Variants in MCPH1 observed in about 807,000 individuals in gnomAD.
The protein encoded by MCPH1 is microcephalin 1, also known as microcephalin.
A neutral mutation model predicts 84.5 loss-of-function variants in MCPH1; 104 were observed. That is an observed-to-expected ratio of 1.23 (90% CI 1.05 to 1.45). The LOEUF (loss-of-function observed/expected upper bound fraction) is 1.45, where lower values mean the gene tolerates loss of function less well. MCPH1 is among the 40% of genes most tolerant of loss of function. The pLI, the probability that MCPH1 is intolerant of heterozygous loss-of-function variation, is 0.00. For synonymous variants in MCPH1, 514 were observed against 366.8 expected (o/e 1.40, Z -4.58); for missense variants, 1,498 against 1,005.7 (o/e 1.49, Z -6.62).
intron 3 of MCPH1, among the ~76,000 whole-genome samples, chr8:6,417,953 A>G (rs965623180): frequency 1.3e-5 from 2 of 152,250 alleles, no homozygotes; most frequent in African/African-American, 4.8e-5. Flanking sequence ...TTTAGCAAGC[A>G]GTTAACTTGT....
chr8:6,579,849 A>T (rs976860321), intron 12 of MCPH1, among the ~76,000 whole-genome samples: 3 of 152,272 alleles, frequency 2.0e-5, no homozygotes, highest in African/African-American at 7.2e-5. Context: ...ATTGAATAAT[A>T]TTAAGGGGGC....
At chr8:6,616,898 G>A (rs1401640505) in intron 12 of MCPH1, 2 of 152,158 alleles carry the variant, frequency 1.3e-5, no homozygotes, top group Non-Finnish European at 2.9e-5. Context: ...TTCTGTAGGG[G>A]AACATTTGTG....
chr8:6,583,834 T>G (rs1827764495), intron 12 of MCPH1, among the ~76,000 whole-genome samples: 1 of 150,710 alleles, frequency 6.6e-6, no homozygotes, highest in Non-Finnish European at 1.5e-5. Context: ...TTTCCTAGGT[T>G]ATTGGTGTTC....
intron 12 of MCPH1, among the ~76,000 whole-genome samples, chr8:6,560,915 C>T (rs1344575586): frequency 6.6e-6 from 1 of 152,216 alleles, no homozygotes; most frequent in African/African-American, 2.4e-5. Context: ...TTTATGTTTC[C>T]TGGCTGTTTC....
At chr8:6,500,983 C>G (rs1812064128) in intron 12 of MCPH1, 2 of 152,166 alleles carry the variant, frequency 1.3e-5, no homozygotes, top group South Asian at 4.1e-4. Flanking sequence ...ATCCTAGAAA[C>G]TTGTTGTTGT....
intron 3 of MCPH1, among the ~76,000 whole-genome samples, chr8:6,427,278 G>A (rs1210326061): frequency 6.6e-6 from 1 of 152,184 alleles, no homozygotes; most frequent in Non-Finnish European, 1.5e-5. Flanking sequence ...TGAAGGCCTA[G>A]GACATTACTA....
At chr8:6,552,757 T>G (rs1166403509) in intron 12 of MCPH1, among the ~76,000 whole-genome samples, 1 of 152,152 alleles carries the variant, frequency 6.6e-6, no homozygotes, top group Non-Finnish European at 1.5e-5. Context: ...ACAGTGATTG[T>G]TTCGGCCAGT....
rs558522741 is a variant in MCPH1 at position 6,539,009 on chromosome 8, C to G, written c.2214+39080C>G. ...AAGTGGCAAAACTGGGCTCTCCTCC[C>G]CCTCCTTTTAGAGTTGGGCTTGTGT... On this transcript the variant is annotated intron_variant, in intron 12 of 13. Coordinates refer to ENST00000344683, the MANE Select transcript of MCPH1 (RefSeq NM_024596.5). Among the ~76,000 whole-genome samples the G allele has an allele frequency of 1.7e-4, 25 of 146,258 alleles. No individual in the cohort carries two copies. The South Asian group carries it at 5.7e-3, about 34-fold the overall frequency.
chr8:6,607,344 C>G (rs190332731), intron 12 of MCPH1, among the ~76,000 whole-genome samples: 17 of 152,368 alleles, frequency 1.1e-4, no homozygotes, highest in African/African-American at 4.1e-4. Context: ...CCACTATCCA[C>G]TCTTCATCAA....
At chr8:6,609,824 C>CG (rs1029431172) in intron 12 of MCPH1, among the ~76,000 whole-genome samples, 5 of 127,772 alleles carry the variant, frequency 3.9e-5, no homozygotes, top group Admixed American at 7.2e-5. Flanking sequence ...CCCCCGCCCC[C>CG]CCCCCACACA....
intron 2 of MCPH1, 53 bp from the exon 3 acceptor site, chr8:6,414,712 T>G: frequency 5.6e-6 from 9 of 1,599,034 alleles, no homozygotes; most frequent in Non-Finnish European, 7.7e-6. Context: ...CAGTTGTAGT[T>G]AAGTTGTGAA....
intron 12 of MCPH1, among the ~76,000 whole-genome samples, chr8:6,579,971 G>C (rs935493529): frequency 1.3e-5 from 2 of 152,216 alleles, no homozygotes; most frequent in Non-Finnish European, 2.9e-5. Context: ...GCCCCTGCCA[G>C]AAACTAAATG....
intron 12 of MCPH1, among the ~76,000 whole-genome samples, chr8:6,619,570 C>T (rs769373398): frequency 8.6e-5 from 13 of 151,706 alleles, no homozygotes; most frequent in Non-Finnish European, 1.2e-4. Context: ...GGATTACAGG[C>T]GTGAGCCACT....
intron 12 of MCPH1, among the ~76,000 whole-genome samples, chr8:6,534,100 C>T (rs1489271217): frequency 6.6e-6 from 1 of 152,224 alleles, no homozygotes; most frequent in South Asian, 2.1e-4. Flanking sequence ...GTCGTTCTCC[C>T]GTGGATATTG....
intron 12 of MCPH1, chr8:6,507,844 A>C (rs1322252159): frequency 6.6e-6 from 1 of 151,998 alleles, no homozygotes; most frequent in Non-Finnish European, 1.5e-5. Context: ...TGGCCTCCCA[A>C]AGTGCTGGCA....
At position 6,466,303 on chromosome 8, in the gene MCPH1, A is replaced by ATT. The variant is rs749976037; in HGVS notation, c.1935+11064_1935+11065dup. Reference sequence around the variant, plus strand: ...AGGCACGTTCCATCACGCCTGGCTAATTTTTTTTTTTTTTGAGATGGAGTC... The same window carrying ATT: ...AGGCACGTTCCATCACGCCTGGCTAATTTTTTTTTTTTTTTTGAGATGGAGTC... On this transcript the variant is annotated intron_variant, in intron 9 of 13. Coordinates refer to ENST00000344683, the MANE Select transcript of MCPH1 (RefSeq NM_024596.5). Among the ~76,000 whole-genome samples, 318 of 138,498 alleles carry ATT rather than the reference A, an allele frequency of 2.3e-3. 4 individuals carry two copies. The highest frequency in any genetic ancestry group is 8.2e-3 in the African/African-American group (306 of 37,516). The allele number at this position is 138,498 out of a possible 152,430, so 90.9% of individuals were successfully genotyped here. A position where few individuals can be genotyped will look rare whatever the true frequency, so the allele number is the denominator to read the frequency against.
intron 12 of MCPH1, among the ~76,000 whole-genome samples, chr8:6,579,574 T>G (rs1000163155): frequency 6.6e-6 from 1 of 152,212 alleles, no homozygotes; most frequent in Non-Finnish European, 1.5e-5. Flanking sequence ...GTAGTTAGTA[T>G]GTAGTGTTTG....
Position 6,643,255 on chromosome 8 carries a change from T to C in MCPH1, c.*206T>C. 1 of 597,462 alleles carries C rather than the reference T, an allele frequency of 1.7e-6. No homozygotes were observed. The highest frequency in any genetic ancestry group is 2.1e-5 in the South Asian group (1 of 47,792). The allele number at this position is 597,462 out of a possible 1,614,324, so 37.0% of individuals were successfully genotyped here. On this transcript the variant is annotated 3_prime_UTR_variant, in exon 14 of 14. Coordinates refer to ENST00000344683, the MANE Select transcript of MCPH1 (RefSeq NM_024596.5). ...CTGTTTCAGAGACGCTTCGGGCCTT[T>C]TTATTTTTATTTTATTTTTTATTTT...
intron 1 of MCPH1, among the ~76,000 whole-genome samples, chr8:6,408,862 A>G (rs1322199669): frequency 1.3e-5 from 2 of 150,612 alleles, no homozygotes; most frequent in South Asian, 2.1e-4. Context: ...ACACCTGGCC[A>G]GTAGAGTAAA....
Sources: gnomAD v4.1 joint callset for allele counts (sites outside exome capture counted in the v4.1 genomes callset) on GRCh38, gnomAD v4.1.1 for gene constraint, MANE v1.5 for transcripts, NCBI Gene and HGNC (gene_info 2026-07-23, HGNC 2026-07-21) for gene names.